The following PTBP3 variants were observed in gnomAD, a reference collection of about 807,000 sequenced individuals.
PTBP3 encodes polypyrimidine tract-binding protein 3.
A neutral mutation model predicts 58.7 loss-of-function variants in PTBP3; 20 were observed. That is an observed-to-expected ratio of 0.34 (90% CI 0.24 to 0.50). PTBP3 has a LOEUF of 0.50. PTBP3 is among the 20% of genes least tolerant of loss of function. The pLI is 0.98. For missense variants in PTBP3, 509 were observed against 637.2 expected (o/e 0.80, Z 2.17); for synonymous variants, 185 against 219.8 (o/e 0.84, Z 1.40).
intron 3 of PTBP3, among the ~76,000 whole-genome samples, chr9:112,274,756 CA>C (rs2132195818): frequency 6.6e-6 from 1 of 152,244 alleles, no homozygotes; most frequent in African/African-American, 2.4e-5. Flanking sequence ...CCCAGCAGAC[CA>C]GTTCAAATTA....
chr9:112,324,321 C>A (rs1830068574), intron 1 of PTBP3, among the ~76,000 whole-genome samples: 1 of 151,978 alleles, frequency 6.6e-6, no homozygotes, highest in Admixed American at 6.6e-5. Flanking sequence ...ATGTATACAG[C>A]AACCACTAAA....
intron 3 of PTBP3, among the ~76,000 whole-genome samples, chr9:112,269,132 G>A (rs1397781327): frequency 4.0e-5 from 6 of 151,202 alleles, no homozygotes; most frequent in Admixed American, 6.6e-5. Context: ...AGGAGGCGGA[G>A]GTTGCAGTGA....
chr9:112,296,771 T>A (rs1828708001), intron 2 of PTBP3, among the ~76,000 whole-genome samples: 1 of 152,182 alleles, frequency 6.6e-6, no homozygotes, highest in African/African-American at 2.4e-5. Flanking sequence ...CTTCCTACAT[T>A]CGAATAGAAA....
intron 7 of PTBP3, among the ~76,000 whole-genome samples, chr9:112,240,541 T>G (rs1835613912): frequency 6.6e-6 from 1 of 151,920 alleles, no homozygotes; most frequent in Non-Finnish European, 1.5e-5. Context: ...TATATAATAC[T>G]TGATAATAAA....
chr9:112,237,588 A>C (rs1001770095), intron 7 of PTBP3, among the ~76,000 whole-genome samples: 2 of 152,160 alleles, frequency 1.3e-5, no homozygotes, highest in African/African-American at 4.8e-5. Context: ...AACAAGTATA[A>C]AGACTTTCTT....
intron 3 of PTBP3, among the ~76,000 whole-genome samples, 168 bp downstream of exon 3, chr9:112,275,676 T>G (rs140006099): frequency 6.6e-6 from 1 of 152,298 alleles, no homozygotes; most frequent in Non-Finnish European, 1.5e-5. Flanking sequence ...GTGTTACTAC[T>G]GTTTGTTGCT....
At chr9:112,249,867 T>C (rs1352129526) in intron 7 of PTBP3, among the ~76,000 whole-genome samples, 2 of 151,726 alleles carry the variant, frequency 1.3e-5, no homozygotes, top group African/African-American at 2.4e-5. Context: ...GTTATTAAAA[T>C]GGTAATGACA....
intron 1 of PTBP3, among the ~76,000 whole-genome samples, chr9:112,331,589 ATAAG>A (rs1402903251): frequency 6.6e-6 from 1 of 152,234 alleles, no homozygotes; most frequent in Non-Finnish European, 1.5e-5. Context: ...TTTAAATGTG[ATAAG>A]TAACTGGACG....
chr9:112,373,977 G>A, the PTBP3 span, among the ~76,000 whole-genome samples: 2 of 152,044 alleles, frequency 1.3e-5, no homozygotes, highest in Non-Finnish European at 2.9e-5. Context: ...TCAGCAGGTC[G>A]TGGTTTTTTT....
In PTBP3 at chr9:112,234,017, G is replaced by A. The variant is rs138335618; in HGVS notation, c.880+803C>T. Among the ~76,000 whole-genome samples, 5 of 152,076 alleles carry A rather than the reference G, an allele frequency of 3.3e-5. No individual in the cohort carries two copies. In the East Asian group the frequency reaches 9.7e-4, roughly 29 times the overall value. On this transcript the variant is annotated intron_variant, in intron 8 of 13. Transcript: ENST00000374257. ...AGAATATAAAGATTACTGCCAGAAAGCAGCTATGTTGCAATTTAAAATGTA... is the reference window on the plus strand; with the variant it reads ...AGAATATAAAGATTACTGCCAGAAAACAGCTATGTTGCAATTTAAAATGTA...
chr9:112,323,778 T>C (rs888086693), intron 1 of PTBP3, among the ~76,000 whole-genome samples: 4 of 152,204 alleles, frequency 2.6e-5, no homozygotes, highest in African/African-American at 9.7e-5. Flanking sequence ...ATTTCAAATG[T>C]GTAACACAGA....
chr9:112,227,671 G>T, intron 11 of PTBP3, 44 bp from the exon 12 acceptor site: 1 of 1,376,628 alleles, frequency 7.3e-7, no homozygotes, highest in African/African-American at 1.4e-5. Flanking sequence ...TATTAGGATA[G>T]ATTTCTCAGT....
chr9:112,325,894 T>G (rs1830137605), intron 1 of PTBP3, among the ~76,000 whole-genome samples: 1 of 152,124 alleles, frequency 6.6e-6, no homozygotes, highest in Non-Finnish European at 1.5e-5. Context: ...GGAGCGCACC[T>G]GTAGTACCAG....
chr9:112,243,461 G>C (rs570890798), intron 7 of PTBP3, among the ~76,000 whole-genome samples: 1 of 152,212 alleles, frequency 6.6e-6, no homozygotes, highest in East Asian at 1.9e-4. Flanking sequence ...AGAATTGCTT[G>C]AACCCGGGAG....
intron 1 of PTBP3, 97 bp downstream of exon 1, chr9:112,333,373 C>T: frequency 3.0e-6 from 4 of 1,327,640 alleles, no homozygotes; most frequent in Middle Eastern, 2.6e-4. Flanking sequence ...CCGCCGGCGC[C>T]GCGCACTGCT....
chr9:112,295,836 ACT>A (rs1420419375), intron 2 of PTBP3, among the ~76,000 whole-genome samples: 2 of 152,126 alleles, frequency 1.3e-5, no homozygotes, highest in Non-Finnish European at 2.9e-5. Flanking sequence ...TTAACATATA[ACT>A]CTAACATAAT....
At chr9:112,250,906 T>C in intron 7 of PTBP3, 23 bp downstream of exon 7, 2 of 1,478,330 alleles carry the variant, frequency 1.4e-6, no homozygotes, top group Non-Finnish European at 1.8e-6. Flanking sequence ...ACTTGCTTTG[T>C]GACCCAAAAA....
At position 112,233,949 on chromosome 9, in the gene PTBP3, A is replaced by AAAG. The variant is rs565008030; in HGVS notation, c.880+870_880+871insCTT. ...TCTGTCTCACAACAACAACAAAAAA[A>AAAG]AGAGAGAGAGAGAGTAGTTAAAATT... On this transcript the variant is annotated intron_variant, in intron 8 of 13. Transcript: ENST00000374257. Among the ~76,000 whole-genome samples the AAAG allele has an allele frequency of 1.7e-3, 253 of 151,630 alleles. 2 individuals carry two copies. The highest frequency in any genetic ancestry group is 5.5e-3 in the African/African-American group (229 of 41,298).
At chr9:112,293,039 T>A (rs1589877665) in intron 2 of PTBP3, among the ~76,000 whole-genome samples, 1 of 151,730 alleles carries the variant, frequency 6.6e-6, no homozygotes, top group East Asian at 1.9e-4. Context: ...AAATACTATA[T>A]AGAAATGAGA....
Sources: gnomAD v4.1 joint callset for allele counts (sites outside exome capture counted in the v4.1 genomes callset) on GRCh38, gnomAD v4.1.1 for gene constraint, MANE v1.5 for transcripts, NCBI Gene and HGNC (gene_info 2026-07-23, HGNC 2026-07-21) for gene names.